The following PSPC1 variants were observed in gnomAD, a reference collection of about 807,000 sequenced individuals.
The protein encoded by PSPC1 is paraspeckle component 1, also known as paraspeckle protein 1.
In PSPC1, 14 loss-of-function variants were observed where a neutral mutation model predicts 51.6. The ratio of observed to expected loss-of-function variants is 0.27; its 90% CI spans 0.18 to 0.42. The LOEUF is 0.42. PSPC1 is among the 10% of genes least tolerant of loss of function. The pLI, the probability that PSPC1 is intolerant of heterozygous loss-of-function variation, is 1.00. For synonymous variants in PSPC1, 193 were observed against 231.9 expected, an observed-to-expected ratio of 0.83 and a Z score of 1.53; for missense variants, 406 against 701.1, an observed-to-expected ratio of 0.58 and a Z score of 4.75.
downstream of PSPC1, chr13:19,671,226 A>G (rs1380726295): frequency 1.2e-6 from 2 of 1,613,900 alleles, no homozygotes; most frequent in Non-Finnish European, 1.7e-6. Context: ...TTGTTTACTC[A>G]TTCAGCCCTG....
At chr13:19,732,720 A>AT (rs1254798593) in intron 5 of PSPC1, among the ~76,000 whole-genome samples, 1 of 152,136 alleles carries the variant, frequency 6.6e-6, no homozygotes, top group Non-Finnish European at 1.5e-5. Flanking sequence ...TGAGGTCAGG[A>AT]GTTCAAGACT....
At chr13:19,728,304 C>G (rs1041383002) in intron 6 of PSPC1, among the ~76,000 whole-genome samples, 1 of 152,040 alleles carries the variant, frequency 6.6e-6, no homozygotes, top group African/African-American at 2.4e-5. Context: ...AGAGAGGTGG[C>G]ATCTTAAAAT....
chr13:19,685,341 G>A (rs1440917402), intron 6 of PSPC1, among the ~76,000 whole-genome samples: 1 of 152,070 alleles, frequency 6.6e-6, no homozygotes, highest in East Asian at 1.9e-4. Context: ...CATAATCAGG[G>A]CTCATTAAAA....
At chr13:19,755,456 T>A (rs1431918225) in intron 3 of PSPC1, among the ~76,000 whole-genome samples, 1 of 151,900 alleles carries the variant, frequency 6.6e-6, no homozygotes, top group Non-Finnish European at 1.5e-5. Flanking sequence ...AGCATGGTTA[T>A]GTGCGCCTGT....
chr13:19,726,344 T>G (rs1883357160), intron 6 of PSPC1, among the ~76,000 whole-genome samples: 1 of 152,130 alleles, frequency 6.6e-6, no homozygotes, highest in Non-Finnish European at 1.5e-5. Context: ...ATAAGCAAGG[T>G]GTAGAGTTTT....
At chr13:19,728,931 CCA>C (rs1201832168) in intron 6 of PSPC1, among the ~76,000 whole-genome samples, 22 of 152,074 alleles carry the variant, frequency 1.4e-4, no homozygotes. Flanking sequence ...GCCCAGGTTT[CCA>C]CAGACACTAT....
At chr13:19,781,324 G>A (rs142499841) in intron 1 of PSPC1, among the ~76,000 whole-genome samples, 2,227 of 151,994 alleles carry the variant, frequency 0.015, 54 homozygotes, top group African/African-American at 0.051. Flanking sequence ...GCTAATTTTT[G>A]TATTTTTAGT....
intron 1 of PSPC1, among the ~76,000 whole-genome samples, chr13:19,773,703 G>A (rs1888830613): frequency 6.6e-6 from 1 of 151,854 alleles, no homozygotes; most frequent in Non-Finnish European, 1.5e-5. Context: ...CTGGTGCCCA[G>A]GCTGGAGTAC....
At chr13:19,671,770 T>G, downstream of PSPC1, 1 of 1,528,858 alleles carries the variant, frequency 6.5e-7, no homozygotes, top group Non-Finnish European at 9.0e-7. Flanking sequence ...ATTTGTGGGT[T>G]TTTTCTTGTA....
At chr13:19,687,397 G>A (rs1383422502) in intron 6 of PSPC1, among the ~76,000 whole-genome samples, 2 of 151,974 alleles carry the variant, frequency 1.3e-5, no homozygotes, top group African/African-American at 2.4e-5. Context: ...ATGTACAGAG[G>A]GTATCTCAGC....
rs112718055 is a variant in PSPC1 at position 19,775,322 on chromosome 13, C to T, written c.373-2779G>A. On this transcript the variant is annotated intron_variant, in intron 1 of 8. Transcript: ENST00000338910. Reference sequence around the variant, plus strand: ...GGCTGAGACAGTGCCACTACACTCACGCCTGGGTGACAGAGCGAGACTCCG... The same window carrying T: ...GGCTGAGACAGTGCCACTACACTCATGCCTGGGTGACAGAGCGAGACTCCG... Among the ~76,000 whole-genome samples the T allele has an allele frequency of 4.9e-4, 74 of 151,716 alleles. 1 individual carries two copies. Among genetic ancestry groups the T allele is most frequent in the African/African-American group, 1.8e-3 (73 of 41,346 alleles).
At chr13:19,740,041 T>C (rs941189060) in intron 5 of PSPC1, among the ~76,000 whole-genome samples, 7 of 151,860 alleles carry the variant, frequency 4.6e-5, no homozygotes, top group African/African-American at 7.3e-5. Context: ...GTCCAGGGAA[T>C]ATGATTTAAG....
chr13:19,761,200 C>A (rs1399226145), intron 2 of PSPC1, among the ~76,000 whole-genome samples: 1 of 151,864 alleles, frequency 6.6e-6, no homozygotes, highest in African/African-American at 2.4e-5. Flanking sequence ...AAAGGGAAGG[C>A]AGAAGACACC....
chr13:19,778,309 A>G (rs1014949032), intron 1 of PSPC1, among the ~76,000 whole-genome samples: 92 of 151,734 alleles, frequency 6.1e-4, no homozygotes, highest in Non-Finnish European at 1.1e-3. Context: ...AAAAATTAAT[A>G]AAAATACCGT....
chr13:19,725,403 A>ATTAT (rs1415981876), intron 6 of PSPC1, among the ~76,000 whole-genome samples: 1 of 152,196 alleles, frequency 6.6e-6, no homozygotes, highest in East Asian at 1.9e-4. Flanking sequence ...ATAGATTTGC[A>ATTAT]TTATTCTTCA....
At chr13:19,773,978 T>G (rs1888858261) in intron 1 of PSPC1, among the ~76,000 whole-genome samples, 1 of 152,172 alleles carries the variant, frequency 6.6e-6, no homozygotes, top group African/African-American at 2.4e-5. Flanking sequence ...TAATGACTTC[T>G]CCTGAAATAC....
At chr13:19,736,485 C>T (rs781166870) in intron 5 of PSPC1, among the ~76,000 whole-genome samples, 5 of 151,952 alleles carry the variant, frequency 3.3e-5, no homozygotes, top group Non-Finnish European at 5.9e-5. Flanking sequence ...AGATCGAGAC[C>T]ATCCTGGCTA....
exon 8 of PSPC1, chr13:19,674,938 A>C (rs1435218786): frequency 6.6e-6 from 1 of 152,184 alleles, no homozygotes; most frequent in African/African-American, 2.4e-5. Flanking sequence ...GGATTTCTAG[A>C]CGTCTCCTTC....
At chr13:19,767,644 AT>A (rs145447659) in intron 2 of PSPC1, among the ~76,000 whole-genome samples, 16,792 of 150,910 alleles carry the variant, frequency 0.11, 1,128 homozygotes, top group African/African-American at 0.19. Flanking sequence ...AAAAGTACAG[AT>A]TTTTTTTTTC....
Sources: allele counts gnomAD v4.1 joint callset (sites outside exome capture counted in the v4.1 genomes callset), GRCh38; gene constraint gnomAD v4.1.1; transcripts MANE v1.5; gene names NCBI Gene and HGNC (gene_info 2026-07-23, HGNC 2026-07-21).